Variants in ADAMTS17 observed in about 807,000 individuals in gnomAD.
ADAMTS17 encodes the protein A disintegrin and metalloproteinase with thrombospondin motifs 17.
ADAMTS17 carries 113 observed loss-of-function variants against 141.5 expected under a neutral mutation model. That is an observed-to-expected ratio of 0.80 (90% CI 0.69 to 0.93). The LOEUF is 0.93. ADAMTS17 is among the 40% of genes least tolerant of loss of function. The pLI, the probability that ADAMTS17 is intolerant of heterozygous loss-of-function variation, is 0.00. For synonymous variants in ADAMTS17, 768 were observed against 630.6 expected, an observed-to-expected ratio of 1.22 and a Z score of -3.27; for missense variants, 1,659 against 1,517.9, an observed-to-expected ratio of 1.09 and a Z score of -1.54.
chr15:100,280,731 C>G (rs1418909852), intron 4 of ADAMTS17, among the ~76,000 whole-genome samples: 1 of 152,162 alleles, frequency 6.6e-6, no homozygotes, highest in East Asian at 1.9e-4. Context: ...AGGAGTCAGC[C>G]TCACCACCCA....
chr15:100,053,738 A>G (rs2032323962), intron 16 of ADAMTS17, among the ~76,000 whole-genome samples, 159 bp downstream of exon 16: 3 of 152,144 alleles, frequency 2.0e-5, no homozygotes, highest in African/African-American at 7.2e-5. Context: ...AAGGACCCAG[A>G]GAGGGGAGAG....
At chr15:100,017,760 T>A (rs928057557) in intron 18 of ADAMTS17, among the ~76,000 whole-genome samples, 10 of 152,244 alleles carry the variant, frequency 6.6e-5, no homozygotes, top group Admixed American at 2.0e-4. Flanking sequence ...TCAGTGGGTC[T>A]GTGAGTCCTC....
chr15:100,143,665 G>T (rs892564675), intron 10 of ADAMTS17, among the ~76,000 whole-genome samples: 1 of 152,112 alleles, frequency 6.6e-6, no homozygotes, highest in African/African-American at 2.4e-5. Context: ...CTAGCATTCT[G>T]CAGACAGACA....
intron 10 of ADAMTS17, among the ~76,000 whole-genome samples, chr15:100,141,194 G>C (rs2038631596): frequency 6.6e-6 from 1 of 152,232 alleles, no homozygotes; most frequent in African/African-American, 2.4e-5. Context: ...GCGGCTGCAT[G>C]ATGAGCCAGC....
intron 15 of ADAMTS17, among the ~76,000 whole-genome samples, chr15:100,088,442 T>C (rs973143414): frequency 1.2e-4 from 18 of 152,110 alleles, no homozygotes; most frequent in African/African-American, 3.6e-4. Flanking sequence ...CAATGACATC[T>C]CCATCAAGCT....
chr15:100,171,066 A>C (rs2040141298), intron 8 of ADAMTS17, among the ~76,000 whole-genome samples: 1 of 152,018 alleles, frequency 6.6e-6, no homozygotes, highest in Non-Finnish European at 1.5e-5. Context: ...AAGCCATTTT[A>C]ATGGGCAGTA....
At chr15:100,177,250 G>A (rs1429198101) in intron 8 of ADAMTS17, among the ~76,000 whole-genome samples, 2 of 152,186 alleles carry the variant, frequency 1.3e-5, no homozygotes, top group Non-Finnish European at 2.9e-5. Context: ...TTATTCATTC[G>A]CAATCTTTCG....
intron 7 of ADAMTS17, among the ~76,000 whole-genome samples, chr15:100,234,271 A>G (rs1256559419): frequency 6.6e-6 from 1 of 152,182 alleles, no homozygotes; most frequent in Non-Finnish European, 1.5e-5. Flanking sequence ...AAGAGCTAAT[A>G]AAACTCGCAG....
At chr15:100,100,491 A>C (rs1042691525) in intron 14 of ADAMTS17, among the ~76,000 whole-genome samples, 1 of 152,004 alleles carries the variant, frequency 6.6e-6, no homozygotes, top group Non-Finnish European at 1.5e-5. Flanking sequence ...AAGCTGCCTG[A>C]CCTCTTAATT....
At chr15:100,268,666 T>C (rs946786895) in intron 4 of ADAMTS17, among the ~76,000 whole-genome samples, 1 of 152,220 alleles carries the variant, frequency 6.6e-6, no homozygotes, top group Non-Finnish European at 1.5e-5. Flanking sequence ...AAATTCCTTA[T>C]AGATTCTGGA....
intron 7 of ADAMTS17, among the ~76,000 whole-genome samples, chr15:100,231,456 G>A (rs1009504232): frequency 2.0e-5 from 3 of 152,158 alleles, no homozygotes; most frequent in African/African-American, 7.2e-5. Context: ...AGGAACATCA[G>A]CACCTCCCAT....
chr15:100,121,407 A>G (rs1447742407), intron 12 of ADAMTS17, among the ~76,000 whole-genome samples: 2 of 152,230 alleles, frequency 1.3e-5, no homozygotes, highest in African/African-American at 4.8e-5. Flanking sequence ...ATTGTAATTA[A>G]ACTGCCAAAA....
intron 4 of ADAMTS17, among the ~76,000 whole-genome samples, chr15:100,267,760 A>G (rs1403677424): frequency 1.3e-5 from 2 of 152,192 alleles, no homozygotes; most frequent in African/African-American, 4.8e-5. Context: ...GGTTCATAGT[A>G]GGTGTATACA....
intron 7 of ADAMTS17, among the ~76,000 whole-genome samples, chr15:100,231,948 C>T (rs1460480141): frequency 6.6e-6 from 1 of 152,160 alleles, no homozygotes; most frequent in East Asian, 1.9e-4. Flanking sequence ...TGGCATCGTC[C>T]TTAGTCTCCA....
At chr15:100,032,868 C>G (rs185480522) in intron 18 of ADAMTS17, among the ~76,000 whole-genome samples, 4 of 152,206 alleles carry the variant, frequency 2.6e-5, no homozygotes, top group Non-Finnish European at 4.4e-5. Flanking sequence ...ACCTAACCCA[C>G]GAGACAGCCA....
chr15:100,309,249 A>G (rs1426320293), intron 3 of ADAMTS17, among the ~76,000 whole-genome samples: 1 of 152,186 alleles, frequency 6.6e-6, no homozygotes, highest in Non-Finnish European at 1.5e-5. Context: ...AGGTACTCGG[A>G]GGCATGTGGG....
chr15:99,991,512 C>T (rs1353719496), intron 20 of ADAMTS17, among the ~76,000 whole-genome samples: 3 of 152,152 alleles, frequency 2.0e-5, no homozygotes, highest in Non-Finnish European at 4.4e-5. Context: ...ATTAAAAAGT[C>T]AGGAAACAAC....
chr15:100,170,065 G>T (rs1236065737), intron 8 of ADAMTS17, among the ~76,000 whole-genome samples: 3 of 152,058 alleles, frequency 2.0e-5, no homozygotes, highest in African/African-American at 7.2e-5. Flanking sequence ...CCCGAGGCTA[G>T]AAGAGGAAGC....
chr15:100,199,968 C>G (rs8040747), intron 7 of ADAMTS17, among the ~76,000 whole-genome samples: 6,047 of 152,312 alleles, frequency 0.04, 406 homozygotes, highest in African/African-American at 0.14. Flanking sequence ...TGCTGGGTCT[C>G]GTGGACAGCA....
Sources: gnomAD v4.1 joint callset for allele counts (sites outside exome capture counted in the v4.1 genomes callset) on GRCh38, gnomAD v4.1.1 for gene constraint, MANE v1.5 for transcripts, NCBI Gene and HGNC (gene_info 2026-07-23, HGNC 2026-07-21) for gene names.